The following RALGAPA2 variants were observed in gnomAD, a reference collection of about 807,000 sequenced individuals.
RALGAPA2 encodes the protein Ral GTPase activating protein catalytic subunit alpha 2.
A neutral mutation model predicts 230.4 loss-of-function variants in RALGAPA2; 139 were observed. That is an observed-to-expected ratio of 0.60 (90% CI 0.53 to 0.69). The LOEUF is 0.69. RALGAPA2 is among the 30% of genes least tolerant of loss of function. RALGAPA2 has a pLI of 0.00. For synonymous variants in RALGAPA2, 847 were observed against 837.8 expected (o/e 1.01, Z -0.19); for missense variants, 2,163 against 2,276.0 (o/e 0.95, Z 1.01).
At chr20:20,425,108 A>G (rs1386761734) in intron 37 of RALGAPA2, among the ~76,000 whole-genome samples, 5 of 152,260 alleles carry the variant, frequency 3.3e-5, no homozygotes, top group Non-Finnish European at 4.4e-5. Flanking sequence ...GAAATTAAAT[A>G]GGATCATGAT....
intron 7 of RALGAPA2, 48 bp from the exon 8 acceptor site, chr20:20,637,549 T>C (rs1400350470): frequency 6.8e-7 from 1 of 1,472,246 alleles, no homozygotes; most frequent in South Asian, 1.3e-5. Flanking sequence ...ATATTTCAAA[T>C]TAACATATAC....
chr20:20,681,493 G>A (rs1302067197), intron 1 of RALGAPA2, among the ~76,000 whole-genome samples: 1 of 152,160 alleles, frequency 6.6e-6, no homozygotes, highest in East Asian at 1.9e-4. Flanking sequence ...CACTGGGGCT[G>A]ATTAGCAATA....
rs1162525656 is a variant in RALGAPA2, at chr20:20,535,813, C to T, written c.3415-10G>A. 2 of 1,542,936 alleles carry T rather than the reference C, an allele frequency of 1.3e-6. No homozygotes were observed. The highest frequency in any genetic ancestry group is 1.4e-5 in the African/African-American group (1 of 72,732). On this transcript the variant is annotated splice_polypyrimidine_tract_variant and intron_variant, in intron 25 of 39. Coordinates refer to ENST00000202677, the MANE Select transcript of RALGAPA2 (RefSeq NM_020343.4). ...TATTTATGAGGTAATGCTAAAAACA[C>T]AAAATTAAGTAAAATAAAAACTTTG...
intron 1 of RALGAPA2, among the ~76,000 whole-genome samples, chr20:20,709,659 C>G (rs978495005): frequency 7.2e-5 from 11 of 152,132 alleles, no homozygotes; most frequent in Middle Eastern, 3.2e-3. Flanking sequence ...ACGTGTCAAG[C>G]CTGCCTGTGC....
At position 20,606,833 on chromosome 20, in the gene RALGAPA2, C is replaced by T. The variant is rs932521273; in HGVS notation, c.1801-1421G>A. On this transcript the variant is annotated intron_variant, in intron 14 of 39. Transcript: ENST00000202677. ...ATGCCTATATGCTGGATATTTCCTT[C>T]CCATAAAATTGCCCCATTCCTTACC... 5.7e-4 allele frequency among the ~76,000 whole-genome samples: 86 copies of T among 152,180 alleles called. 2 individuals are homozygous for T. The highest frequency in any genetic ancestry group is 8.8e-5 in the Non-Finnish European group (6 of 68,038).
chr20:20,444,866 G>A (rs146798066), intron 37 of RALGAPA2, among the ~76,000 whole-genome samples: 6 of 152,324 alleles, frequency 3.9e-5, no homozygotes, highest in South Asian at 2.1e-4. Context: ...GAAGTAATTC[G>A]TGTTTTAAAC....
At chr20:20,621,769 G>C (rs1201281482) in intron 10 of RALGAPA2, among the ~76,000 whole-genome samples, 1 of 152,198 alleles carries the variant, frequency 6.6e-6, no homozygotes, top group Non-Finnish European at 1.5e-5. Flanking sequence ...TCGCTTATCA[G>C]TTTTAAGGAC....
At chr20:20,406,427 C>T (rs1344372173) in intron 38 of RALGAPA2, among the ~76,000 whole-genome samples, 2 of 152,032 alleles carry the variant, frequency 1.3e-5, no homozygotes, top group African/African-American at 2.4e-5. Context: ...AGAATCAAGC[C>T]GGTTATGAGG....
intron 36 of RALGAPA2, 63 bp downstream of exon 36, chr20:20,495,054 A>G: frequency 7.2e-7 from 1 of 1,387,484 alleles, no homozygotes. Context: ...ACTGATTTTC[A>G]ATGACAATGA....
chr20:20,445,418 A>C (rs976900302), intron 37 of RALGAPA2, among the ~76,000 whole-genome samples: 1 of 152,216 alleles, frequency 6.6e-6, no homozygotes, highest in Non-Finnish European at 1.5e-5. Context: ...GGGCCACTGA[A>C]TGACATTTAC....
rs772914251 is a variant in RALGAPA2, at chr20:20,694,716, C to G, written c.107-13915G>C. Among the ~76,000 whole-genome samples the G allele has an allele frequency of 5.9e-5, 9 of 152,140 alleles. No homozygotes were observed. The East Asian group carries it at 1.7e-3, about 29-fold the overall frequency. On this transcript the variant is annotated intron_variant, in intron 1 of 39. Transcript: ENST00000202677. ...TATCCAAGGCTTTAAGTCAAAAACA[C>G]AGTGTTAGACCATGCAGATGACTAT...
intron 36 of RALGAPA2, among the ~76,000 whole-genome samples, chr20:20,480,046 T>A (rs1368295343): frequency 6.6e-6 from 1 of 152,190 alleles, no homozygotes; most frequent in Admixed American, 6.5e-5. Flanking sequence ...AAGGAAAGTA[T>A]AAAGAAAGTT....
intron 37 of RALGAPA2, among the ~76,000 whole-genome samples, chr20:20,424,559 A>G (rs1198016992): frequency 6.6e-6 from 1 of 152,224 alleles, no homozygotes; most frequent in Non-Finnish European, 1.5e-5. Context: ...CTCGTCCTAA[A>G]GACATCATAT....
intron 37 of RALGAPA2, among the ~76,000 whole-genome samples, chr20:20,427,629 C>T (rs1458307262): frequency 6.6e-6 from 1 of 152,018 alleles, no homozygotes; most frequent in African/African-American, 2.4e-5. Context: ...TCCTGGGCAC[C>T]GTTACCATGC....
intron 31 of RALGAPA2, among the ~76,000 whole-genome samples, chr20:20,516,210 T>A (rs2062866144): frequency 6.6e-6 from 1 of 152,176 alleles, no homozygotes; most frequent in Non-Finnish European, 1.5e-5. Context: ...ACAGACCTGC[T>A]CAACCCTATC....
intron 1 of RALGAPA2, among the ~76,000 whole-genome samples, chr20:20,692,285 A>T (rs1186149486): frequency 2.6e-5 from 4 of 152,212 alleles, no homozygotes; most frequent in East Asian, 1.9e-4. Context: ...TTTAAATTAT[A>T]AAAAAATTTT....
intron 13 of RALGAPA2, 37 bp downstream of exon 13, chr20:20,616,006 C>T: frequency 1.5e-6 from 2 of 1,341,444 alleles, no homozygotes; most frequent in Admixed American, 3.3e-5. Flanking sequence ...ACAGAAACAT[C>T]TGTTTTACAA....
At chr20:20,613,621 C>A (rs1470918729) in intron 13 of RALGAPA2, among the ~76,000 whole-genome samples, 2 of 152,184 alleles carry the variant, frequency 1.3e-5, no homozygotes, top group Admixed American at 6.5e-5. Context: ...GCCTCCTCCC[C>A]TCTCACGCTC....
intron 23 of RALGAPA2, among the ~76,000 whole-genome samples, chr20:20,550,863 G>T (rs970173720): frequency 6.6e-6 from 1 of 152,168 alleles, no homozygotes; most frequent in Non-Finnish European, 1.5e-5. Context: ...AAAAGAGAAG[G>T]ACTCTGAAGA....
Sources: gnomAD v4.1 joint callset for allele counts (sites outside exome capture counted in the v4.1 genomes callset) on GRCh38, gnomAD v4.1.1 for gene constraint, MANE v1.5 for transcripts, NCBI Gene and HGNC (gene_info 2026-07-23, HGNC 2026-07-21) for gene names.